NRXN1: variants seen among roughly 807,000 people sequenced by gnomAD.
NRXN1 encodes neurexin 1.
Under a neutral mutation model 150.9 loss-of-function variants are expected in NRXN1, and 39 were observed. The observed-to-expected ratio is 0.26, with a 90% CI of 0.20 to 0.34. The LOEUF (loss-of-function observed/expected upper bound fraction) is 0.34. Ranked by LOEUF, NRXN1 falls within the 10% of genes least tolerant of loss-of-function variation. The pLI is 1.00. For synonymous variants in NRXN1, 924 were observed against 757.0 expected (o/e 1.22, Z -3.62); for missense variants, 1,815 against 1,949.9 (o/e 0.93, Z 1.30).
At chr2:50,399,115 T>G (rs2103909294) in intron 17 of NRXN1, among the ~76,000 whole-genome samples, 1 of 152,264 alleles carries the variant, frequency 6.6e-6, no homozygotes, top group East Asian at 1.9e-4. Context: ...TTTTTATGTT[T>G]TTCACTTAGA....
At chr2:50,130,022 A>AT (rs1705237191) in intron 18 of NRXN1, among the ~76,000 whole-genome samples, 1 of 151,982 alleles carries the variant, frequency 6.6e-6, no homozygotes, top group South Asian at 2.1e-4. Flanking sequence ...ATGTTATCTC[A>AT]TTTTTTCTTC....
intron 9 of NRXN1, among the ~76,000 whole-genome samples, chr2:50,539,644 T>A (rs2093346458): frequency 6.6e-6 from 1 of 152,248 alleles, no homozygotes. Context: ...GCAACCATGA[T>A]ACCTGAACAG....
At chr2:50,051,739 T>C (rs1692741263) in intron 21 of NRXN1, among the ~76,000 whole-genome samples, 1 of 152,052 alleles carries the variant, frequency 6.6e-6, no homozygotes, top group African/African-American at 2.4e-5. Flanking sequence ...AGGCAAACAG[T>C]CCTACTAAAA....
chr2:50,505,118 T>C (rs1402080769), intron 13 of NRXN1, among the ~76,000 whole-genome samples: 1 of 152,180 alleles, frequency 6.6e-6, no homozygotes, highest in East Asian at 1.9e-4. Flanking sequence ...ATTTGCCTTA[T>C]AATATCATGC....
chr2:50,479,776 T>TC (rs1382066410), intron 15 of NRXN1, among the ~76,000 whole-genome samples: 4 of 130,832 alleles, frequency 3.1e-5, no homozygotes, highest in African/African-American at 1.2e-4. Flanking sequence ...TCTTTTTTTT[T>TC]TTTTTTTTTT....
At chr2:50,525,209 C>G (rs990264433) in intron 12 of NRXN1, among the ~76,000 whole-genome samples, 4 of 152,134 alleles carry the variant, frequency 2.6e-5, no homozygotes, top group African/African-American at 9.7e-5. Flanking sequence ...CACAAAAGCA[C>G]CTTGTTCAAT....
At chr2:50,894,784 A>G (rs990560527) in intron 5 of NRXN1, among the ~76,000 whole-genome samples, 4 of 152,164 alleles carry the variant, frequency 2.6e-5, no homozygotes, top group Non-Finnish European at 5.9e-5. Context: ...CATTTGAGGA[A>G]TGCTGTTTCT....
At chr2:50,606,250 G>GAA (rs1203771076) in intron 8 of NRXN1, among the ~76,000 whole-genome samples, 8,429 of 75,408 alleles carry the variant, frequency 0.11, 416 homozygotes, top group African/African-American at 0.13. Context: ...CTCTGTTTCA[G>GAA]AAAAAAAAAA....
At chr2:50,239,432 TAA>T (rs2065780756) in intron 17 of NRXN1, among the ~76,000 whole-genome samples, 1 of 151,078 alleles carries the variant, frequency 6.6e-6, no homozygotes, top group Non-Finnish European at 1.5e-5. Flanking sequence ...AAGAATTATA[TAA>T]GTGTGAGGTA....
chr2:50,323,788 A>T (rs1402130), intron 17 of NRXN1, among the ~76,000 whole-genome samples: 35,232 of 152,094 alleles, frequency 0.23, 4,818 homozygotes, highest in East Asian at 0.52. Flanking sequence ...TACTGAATAT[A>T]TACCATAAGC....
intron 5 of NRXN1, chr2:50,918,866 T>C (rs1202855061): frequency 4.7e-6 from 1 of 211,468 alleles, no homozygotes; most frequent in Non-Finnish European, 9.3e-6. Flanking sequence ...CCAAATTTCA[T>C]GAAGACTATT....
chr2:50,631,002 C>A, intron 5 of NRXN1: 6 of 392,758 alleles, frequency 1.5e-5, no homozygotes, highest in African/African-American at 6.6e-5. Flanking sequence ...CAAATTAAAT[C>A]CTCAGTCCTT....
intron 18 of NRXN1, among the ~76,000 whole-genome samples, chr2:50,138,463 A>G (rs894729998): frequency 1.3e-5 from 2 of 152,220 alleles, no homozygotes; most frequent in Non-Finnish European, 1.5e-5. Flanking sequence ...TCAATGAGCC[A>G]TTTGTAACAC....
At chr2:50,548,905 T>C (rs1370285253) in intron 9 of NRXN1, among the ~76,000 whole-genome samples, 1 of 152,128 alleles carries the variant, frequency 6.6e-6, no homozygotes. Flanking sequence ...GGGTTCCCTC[T>C]ACTTTAATAA....
At chr2:50,356,544 G>T (rs1286363719) in intron 17 of NRXN1, among the ~76,000 whole-genome samples, 5 of 151,926 alleles carry the variant, frequency 3.3e-5, no homozygotes, top group Admixed American at 6.6e-5. Context: ...CTGTTCTATT[G>T]CTGAGATGAT....
At chr2:50,964,788 T>C (rs1206922905) in intron 2 of NRXN1, among the ~76,000 whole-genome samples, 1 of 151,380 alleles carries the variant, frequency 6.6e-6, no homozygotes, top group Non-Finnish European at 1.5e-5. Context: ...AATAACCAGG[T>C]ATTAAATATA....
Position 50,620,062 on chromosome 2 carries a change from C to T in NRXN1, c.1280G>A (p.Gly427Glu). The T allele has an allele frequency of 1.2e-6, 2 of 1,610,330 alleles. No individual in the cohort carries two copies. The highest frequency in any genetic ancestry group is 1.7e-6 in the Non-Finnish European group (2 of 1,177,936). Reference protein sequence around the residue: ...GGSPSTADLPGSPVSNNFMGC... With the variant: ...GGSPSTADLPESPVSNNFMGC... ...CATAAAGTTGTTACTGACTGGTGAC[C>T]CTGGAAGGTCGGCTGTGCTGGGACT... The change falls in exon 8 of 23, where the codon GGG (glycine) becomes GAG (glutamate). Residue 427 changes from glycine to glutamate, a missense_variant. By Grantham distance (98) the Gly-to-Glu change is moderately conservative. Transcript: ENST00000401669.
chr2:50,418,223 T>C (rs1453371096), intron 17 of NRXN1, among the ~76,000 whole-genome samples: 1 of 152,036 alleles, frequency 6.6e-6, no homozygotes, highest in African/African-American at 2.4e-5. Context: ...CCTCTTCTTA[T>C]ATCTCTAAAG....
At chr2:50,609,078 T>C (rs1351915672) in intron 8 of NRXN1, among the ~76,000 whole-genome samples, 1 of 152,176 alleles carries the variant, frequency 6.6e-6, no homozygotes, top group African/African-American at 2.4e-5. Flanking sequence ...GGTTTCCTTC[T>C]GACTTTTTTC....
Sources: allele counts gnomAD v4.1 joint callset (sites outside exome capture counted in the v4.1 genomes callset), GRCh38; gene constraint gnomAD v4.1.1; transcripts MANE v1.5; gene names NCBI Gene and HGNC (gene_info 2026-07-23, HGNC 2026-07-21).